The following DAB1 variants were observed in gnomAD, a reference collection of about 807,000 sequenced individuals.
DAB1 encodes the protein DAB adaptor protein 1.
Under a neutral mutation model 64.6 loss-of-function variants are expected in DAB1, and 15 were observed. The observed-to-expected ratio is 0.23, with a 90% CI of 0.16 to 0.36. The LOEUF (loss-of-function observed/expected upper bound fraction) is 0.36, where lower values mean the gene tolerates loss of function less well. DAB1 is among the 10% of genes least tolerant of loss of function. The pLI, the probability that DAB1 is intolerant of heterozygous loss-of-function variation, is 1.00. For missense variants in DAB1, 596 were observed against 706.7 expected (o/e 0.84, Z 1.78); for synonymous variants, 235 against 251.9 (o/e 0.93, Z 0.64).
intron 1 of DAB1, among the ~76,000 whole-genome samples, chr1:57,392,408 A>T (rs1293931817): frequency 6.6e-6 from 1 of 152,058 alleles, no homozygotes; most frequent in Non-Finnish European, 1.5e-5. Flanking sequence ...AAAGCATATA[A>T]CGAACACTCC....
intron 4 of DAB1, among the ~76,000 whole-genome samples, chr1:57,128,968 G>C (rs1458400953): frequency 6.6e-6 from 1 of 152,160 alleles, no homozygotes; most frequent in Non-Finnish European, 1.5e-5. Context: ...ATTTGTTCTT[G>C]TGTAAGTTGC....
chr1:57,083,261 G>A (rs1470417019), intron 4 of DAB1, among the ~76,000 whole-genome samples: 1 of 152,202 alleles, frequency 6.6e-6, no homozygotes, highest in African/African-American at 2.4e-5. Context: ...ACTGCTGCCA[G>A]GTATGGCTGG....
intron 6 of DAB1, among the ~76,000 whole-genome samples, chr1:57,782,973 TCCTCCCTCCCTC>T (rs200786518): frequency 1.1e-4 from 13 of 115,742 alleles, no homozygotes; most frequent in Non-Finnish European, 3.5e-5. Flanking sequence ...CCATTTTCTT[TCCTCCCTCCCTC>T]CCTCCCTCCC....
chr1:57,972,985 T>TTTA (rs1416543085), intron 5 of DAB1, among the ~76,000 whole-genome samples: 1 of 152,226 alleles, frequency 6.6e-6, no homozygotes, highest in African/African-American at 2.4e-5. Context: ...CAAGTCCTGA[T>TTTA]CGCTGGAGCC....
intron 5 of DAB1, among the ~76,000 whole-genome samples, chr1:58,017,037 G>A (rs1472750956): frequency 6.6e-6 from 1 of 152,064 alleles, no homozygotes; most frequent in Non-Finnish European, 1.5e-5. Flanking sequence ...TCTTGCCCAT[G>A]GTCATGGTGG....
intron 2 of DAB1, among the ~76,000 whole-genome samples, chr1:57,253,656 G>A (rs1481366786): frequency 1.3e-5 from 2 of 152,134 alleles, no homozygotes; most frequent in Non-Finnish European, 2.9e-5. Context: ...TAGAAAGTCC[G>A]ATAAGTTAGC....
chr1:57,996,478 C>T (rs1008487042), intron 5 of DAB1, among the ~76,000 whole-genome samples: 13 of 152,144 alleles, frequency 8.5e-5, no homozygotes, highest in African/African-American at 2.7e-4. Flanking sequence ...AATTTGCCCT[C>T]ATTTGCTGGG....
At chr1:57,662,944 A>T (rs1646404157) in intron 6 of DAB1, among the ~76,000 whole-genome samples, 1 of 152,212 alleles carries the variant, frequency 6.6e-6, no homozygotes, top group Non-Finnish European at 1.5e-5. Flanking sequence ...TTTGATACTG[A>T]ATTCAACCCA....
chr1:58,530,936 G>GT (rs1194280503), intron 1 of DAB1, among the ~76,000 whole-genome samples: 1 of 151,790 alleles, frequency 6.6e-6, no homozygotes, highest in Non-Finnish European at 1.5e-5. Flanking sequence ...CATTTAACTA[G>GT]TATCTACTAA....
chr1:57,272,616 G>A (rs1178687192), intron 2 of DAB1, among the ~76,000 whole-genome samples: 1 of 152,158 alleles, frequency 6.6e-6, no homozygotes, highest in Non-Finnish European at 1.5e-5. Context: ...TTTGGAACCT[G>A]CTCCAGGCCA....
rs114289299 is a variant in DAB1 at position 57,415,505 on chromosome 1, T to C, written c.-137+8425A>G. Among the ~76,000 whole-genome samples the C allele has an allele frequency of 1.5e-3, 222 of 152,294 alleles. 1 individual carries two copies. Among genetic ancestry groups the C allele is most frequent in the African/African-American group, 5.1e-3 (210 of 41,584 alleles). ...AGCAGAAGGTTGGCAAAAATCCAAC[T>C]TCTATGTGGTCTATAAATCTATTCA... On this transcript the variant is annotated intron_variant, in intron 1 of 14. Transcript: ENST00000371236.
At chr1:57,902,312 T>C (rs1020362136) in intron 5 of DAB1, among the ~76,000 whole-genome samples, 9 of 152,188 alleles carry the variant, frequency 5.9e-5, no homozygotes, top group African/African-American at 2.2e-4. Context: ...ATATATTTTT[T>C]TCTGAAACTA....
chr1:58,194,158 C>T (rs1019705544), intron 4 of DAB1, among the ~76,000 whole-genome samples: 23 of 152,318 alleles, frequency 1.5e-4, no homozygotes, highest in African/African-American at 5.5e-4. Context: ...ATTTACTTCT[C>T]AGACTAAAAG....
chr1:56,996,020 A>G lies in DAB1; in HGVS notation c.*2124T>C, dbSNP rs1184041889. ...GGATGATATTGACATATATTCTTGA[A>G]TAGACGTTTGGTCAGTTTATCTAAC... is the stretch of plus-strand genomic sequence containing the variant. On this transcript the variant is annotated 3_prime_UTR_variant, in exon 15 of 15. Coordinates refer to ENST00000371236, the MANE Select transcript of DAB1 (RefSeq NM_001365792.1). 6.6e-6 allele frequency: 1 copy of G among 152,194 alleles called. No individual in the cohort carries two copies. Among genetic ancestry groups the G allele is most frequent in the Non-Finnish European group, 1.5e-5 (1 of 68,034 alleles). The allele number at this position is 152,194 out of a possible 1,614,324, so 9.4% of individuals were successfully genotyped here. A position where few individuals can be genotyped will look rare whatever the true frequency, so the allele number is the denominator to read the frequency against.
chr1:57,033,012 A>G (rs1213851400), intron 9 of DAB1, among the ~76,000 whole-genome samples: 1 of 152,172 alleles, frequency 6.6e-6, no homozygotes, highest in African/African-American at 2.4e-5. Flanking sequence ...ATCTTATCCC[A>G]GGCAATGTTG....
At chr1:57,053,218 C>T (rs1477943617) in intron 9 of DAB1, among the ~76,000 whole-genome samples, 1 of 152,118 alleles carries the variant, frequency 6.6e-6, no homozygotes, top group African/African-American at 2.4e-5. Context: ...TCATTCCTTT[C>T]AATTTCGGAA....
intron 1 of DAB1, among the ~76,000 whole-genome samples, chr1:57,335,425 TG>T (rs1677004036): frequency 6.6e-6 from 1 of 152,222 alleles, no homozygotes; most frequent in African/African-American, 2.4e-5. Flanking sequence ...TTGCTTGATA[TG>T]AGGATTAAAT....
At chr1:57,149,588 T>A (rs920074660) in intron 2 of DAB1, among the ~76,000 whole-genome samples, 1 of 152,182 alleles carries the variant, frequency 6.6e-6, no homozygotes, top group Non-Finnish European at 1.5e-5. Context: ...GGAGTAATGA[T>A]GTTGAGCATC....
intron 5 of DAB1, among the ~76,000 whole-genome samples, chr1:58,105,865 C>G (rs1651603176): frequency 6.6e-6 from 1 of 152,196 alleles, no homozygotes; most frequent in Non-Finnish European, 1.5e-5. Context: ...GTAACCAGCA[C>G]TTTTCCTCTC....
Sources: gnomAD v4.1 joint callset for allele counts (sites outside exome capture counted in the v4.1 genomes callset) on GRCh38, gnomAD v4.1.1 for gene constraint, MANE v1.5 for transcripts, NCBI Gene and HGNC (gene_info 2026-07-23, HGNC 2026-07-21) for gene names.